The following KCNG2 variants were observed in gnomAD, a reference collection of about 807,000 sequenced individuals.
KCNG2 encodes voltage-gated potassium channel regulatory subunit KCNG2.
In KCNG2, 7 loss-of-function variants were observed where a neutral mutation model predicts 12.3. The ratio of observed to expected loss-of-function variants is 0.57; its 90% CI spans 0.32 to 1.07. KCNG2 has a LOEUF of 1.07. Ranked by LOEUF, KCNG2 falls within the 50% of genes least tolerant of loss-of-function variation. The pLI is 0.04. For missense variants in KCNG2, 703 were observed against 726.0 expected, an observed-to-expected ratio of 0.97 and a Z score of 0.36; for synonymous variants, 414 against 351.4, an observed-to-expected ratio of 1.18 and a Z score of -1.99.
At chr18:79,811,421 C>T (rs1243087189) in intron 1 of KCNG2, among the ~76,000 whole-genome samples, 3 of 152,176 alleles carry the variant, frequency 2.0e-5, no homozygotes, top group African/African-American at 4.8e-5. Flanking sequence ...TAAACCTATA[C>T]ATCTGTGGTC....
intron 3 of KCNG2, among the ~76,000 whole-genome samples, chr18:79,893,721 T>G (rs1980834106): frequency 6.6e-6 from 1 of 151,938 alleles, no homozygotes; most frequent in African/African-American, 2.4e-5. Context: ...TCCATTCACA[T>G]CTAATGGTAC....
chr18:79,894,925 C>A (rs199833204), intron 3 of KCNG2, among the ~76,000 whole-genome samples: 10 of 144,772 alleles, frequency 6.9e-5, no homozygotes, highest in Non-Finnish European at 1.2e-4. Flanking sequence ...TTGGGTTGTT[C>A]ACTCCATTCA....
rs982082162 is a variant in KCNG2 at position 79,803,749 on chromosome 18, C to T, written c.-115+5735C>T. On this transcript the variant is annotated intron_variant, in intron 1 of 3. Transcript: ENST00000316249. This position sits in a 1 kb window ranked among gnomAD's most constrained non-coding sequence, Gnocchi z 4.5. ...TCACAGCTCAGCCGGGGCCCTCCTGCGTCTCCCGACCACAGGCCCCAGTCC... is the reference window on the plus strand; with the variant it reads ...TCACAGCTCAGCCGGGGCCCTCCTGTGTCTCCCGACCACAGGCCCCAGTCC... Among the ~76,000 whole-genome samples the T allele has an allele frequency of 1.4e-4, 21 of 152,218 alleles. No individual in the cohort carries two copies. Among genetic ancestry groups the T allele is most frequent in the African/African-American group, 5.1e-4 (21 of 41,470 alleles).
intron 1 of KCNG2, among the ~76,000 whole-genome samples, chr18:79,812,842 T>C (rs1169929284): frequency 1.4e-5 from 2 of 138,760 alleles, no homozygotes; most frequent in Admixed American, 7.1e-5. Flanking sequence ...GTCTGGGTGA[T>C]AGAGCGAGAC....
At chr18:79,799,517 C>T (rs1317971385) in intron 1 of KCNG2, among the ~76,000 whole-genome samples, 1 of 152,242 alleles carries the variant, frequency 6.6e-6, no homozygotes, top group Non-Finnish European at 1.5e-5. Flanking sequence ...ATTCTCGGGA[C>T]TATCCACTGT....
intron 1 of KCNG2, among the ~76,000 whole-genome samples, chr18:79,798,465 G>C (rs1025581292): frequency 6.6e-6 from 1 of 152,154 alleles, no homozygotes; most frequent in African/African-American, 2.4e-5. Flanking sequence ...CGGTTCGGTT[G>C]GGGGCGCACC....
At chr18:79,868,031 A>G (rs561519703) in intron 3 of KCNG2, among the ~76,000 whole-genome samples, 2 of 152,286 alleles carry the variant, frequency 1.3e-5, no homozygotes, top group East Asian at 1.9e-4. Flanking sequence ...CGTCGTCCCC[A>G]TGAGGTCCAG....
rs1599371073 is a variant in KCNG2 at position 79,822,863 on chromosome 18, G to A, written c.-115+24849G>A. Among the ~76,000 whole-genome samples, 1 of 152,194 alleles carries A rather than the reference G, an allele frequency of 6.6e-6. No homozygotes were observed. On this transcript the variant is annotated intron_variant, in intron 1 of 3. Coordinates refer to ENST00000316249, the MANE Select transcript of KCNG2 (RefSeq NM_012283.2). This position sits in a 1 kb window ranked among gnomAD's most constrained non-coding sequence, Gnocchi z 4.4. ...AGAGCCCTTGTCTCCCCACGCTTCC[G>A]TGGGGTTGTGGATTCCTTGTGAGGC...
intron 1 of KCNG2, among the ~76,000 whole-genome samples, chr18:79,818,913 A>G (rs1687136687): frequency 6.6e-6 from 1 of 152,322 alleles, no homozygotes; most frequent in South Asian, 2.1e-4. Context: ...CTGGCCGAGC[A>G]CTGAGCTCGC....
chr18:79,871,986 G>C (rs1979851325), intron 3 of KCNG2, among the ~76,000 whole-genome samples: 1 of 152,170 alleles, frequency 6.6e-6, no homozygotes, highest in South Asian at 2.1e-4. Context: ...TGGGAGGCGG[G>C]CAGGGCCCAG....
chr18:79,838,413 C>CTT (rs753255677), intron 1 of KCNG2, among the ~76,000 whole-genome samples: 9 of 142,436 alleles, frequency 6.3e-5, no homozygotes, highest in East Asian at 2.0e-4. Flanking sequence ...CCAAACAAGT[C>CTT]TTTTTTTTTT....
chr18:79,856,650 C>T (rs968770109), intron 2 of KCNG2, among the ~76,000 whole-genome samples, 198 bp downstream of exon 2: 13 of 152,264 alleles, frequency 8.5e-5, no homozygotes, highest in East Asian at 1.9e-4. Context: ...CAGCCCCTTC[C>T]GAACCCCGCC....
rs1270818019 is a variant in KCNG2, at chr18:79,803,803, G to A, written c.-115+5789G>A. Among the ~76,000 whole-genome samples the A allele has an allele frequency of 6.6e-6, 1 of 152,210 alleles. No individual in the cohort carries two copies. The highest frequency in any genetic ancestry group is 1.5e-5 in the Non-Finnish European group (1 of 68,032). On this transcript the variant is annotated intron_variant, in intron 1 of 3. Coordinates refer to ENST00000316249, the MANE Select transcript of KCNG2 (RefSeq NM_012283.2). This position sits in a 1 kb window ranked among gnomAD's most constrained non-coding sequence, Gnocchi z 4.5. The stretch of plus-strand genomic sequence containing the variant: ...CCAAGGTTCCAGGATGCCAGCAGGT[G>A]CCTGAGACTGGGCTGCCTCCAAGTT...
chr18:79,830,965 T>G (rs1382115612), intron 1 of KCNG2, among the ~76,000 whole-genome samples: 3 of 14,982 alleles, frequency 2.0e-4, no homozygotes, highest in Admixed American at 5.2e-4. Flanking sequence ...TCAGGAGGGT[T>G]CCCTGCGGAC....
intron 2 of KCNG2, among the ~76,000 whole-genome samples, chr18:79,858,093 C>T (rs930141697): frequency 6.6e-6 from 1 of 152,110 alleles, no homozygotes; most frequent in Admixed American, 6.5e-5. Flanking sequence ...CTCTGACTCC[C>T]GGGTTCAAGT....
chr18:79,831,852 C>A (rs1041302439), intron 1 of KCNG2, among the ~76,000 whole-genome samples: 1 of 152,202 alleles, frequency 6.6e-6, no homozygotes, highest in East Asian at 1.9e-4. Context: ...ACCTGGCGGG[C>A]GGCCTAGGTG....
At chr18:79,821,438 C>T (rs1599370394) in intron 1 of KCNG2, among the ~76,000 whole-genome samples, 2 of 152,048 alleles carry the variant, frequency 1.3e-5, no homozygotes. Flanking sequence ...TACAGGCACC[C>T]ACCACCACAC....
rs76782026 is a variant in KCNG2 at position 79,850,654 on chromosome 18, G to A, written c.-114-5725G>A. Among the ~76,000 whole-genome samples, 36 of 152,036 alleles carry A rather than the reference G, an allele frequency of 2.4e-4. 1 individual carries two copies. The East Asian group carries it at 6.0e-3, about 25-fold the overall frequency. ...TCTGTTATTGTTTCCTTTCCTGCTC[G>A]TCGTTTTGAGAATGCGTTTTGGCCT... On this transcript the variant is annotated intron_variant, in intron 1 of 3. Transcript: ENST00000316249.
chr18:79,846,563 T>G (rs2123043238), intron 1 of KCNG2, among the ~76,000 whole-genome samples: 1 of 152,354 alleles, frequency 6.6e-6, no homozygotes, highest in South Asian at 2.1e-4. Flanking sequence ...AGTCATATTT[T>G]ATTCAAAATT....
Sources: allele counts gnomAD v4.1 joint callset (sites outside exome capture counted in the v4.1 genomes callset), GRCh38; gene constraint gnomAD v4.1.1; non-coding constraint Gnocchi (gnomAD v3.1); transcripts MANE v1.5; gene names NCBI Gene and HGNC (gene_info 2026-07-23, HGNC 2026-07-21).